Variants in DST observed in about 807,000 individuals in gnomAD.
The protein encoded by DST is bullous pemphigoid antigen.
In DST, 253 loss-of-function variants were observed where a neutral mutation model predicts 875.2. The observed-to-expected ratio is 0.29, with a 90% CI of 0.26 to 0.32. The LOEUF (loss-of-function observed/expected upper bound fraction) is 0.32, where lower values mean the gene tolerates loss of function less well. Ranked by LOEUF, DST falls within the 10% of genes least tolerant of loss-of-function variation. DST has a pLI of 1.00. For synonymous variants in DST, 3,124 were observed against 3,197.1 expected (o/e 0.98, Z 0.77); for missense variants, 8,287 against 9,111.6 (o/e 0.91, Z 3.68).
chr6:56,841,695 A>G (rs2099800220), intron 4 of DST, among the ~76,000 whole-genome samples: 1 of 152,240 alleles, frequency 6.6e-6, no homozygotes, highest in African/African-American at 2.4e-5. Flanking sequence ...CTGACTGTAT[A>G]GAGCACAGAT....
chr6:56,560,758 A>G (rs1263187489), intron 57 of DST, among the ~76,000 whole-genome samples: 2 of 152,182 alleles, frequency 1.3e-5, no homozygotes, highest in African/African-American at 4.8e-5. Context: ...TAAGAAAATC[A>G]GTCTTAATAA....
At chr6:56,907,916 C>T (rs934660660) in intron 2 of DST, among the ~76,000 whole-genome samples, 4 of 152,104 alleles carry the variant, frequency 2.6e-5, no homozygotes, top group Non-Finnish European at 5.9e-5. Context: ...CAAACTCCGT[C>T]TCCACCAGCC....
chr6:56,670,741 T>C lies in DST; in HGVS notation c.1114A>G (p.Thr372Ala). 6.2e-7 allele frequency: 1 copy of C among 1,610,812 alleles called. No individual in the cohort carries two copies. The highest frequency in any genetic ancestry group is 8.5e-7 in the Non-Finnish European group (1 of 1,178,198). The change falls in exon 10 of 104, where the codon ACG becomes GCG. Residue 372 changes from threonine (T) to alanine (A), a missense_variant. This residue lies in a region of DST where 1,160 missense variants were observed against 1,424.3 expected (regional missense o/e 0.81). Coordinates refer to ENST00000680361, the MANE Select transcript of DST (RefSeq NM_001374736.1). ...GCATAACCCTCTGTTGCCTGCTGCGTCCAGAGTAGCAATCTCTCTTTTGCA... is the reference window on the plus strand; with the variant it reads ...GCATAACCCTCTGTTGCCTGCTGCGCCCAGAGTAGCAATCTCTCTTTTGCA... ...MSAKERLLLW[T>A]QQATEGYAGI...
At chr6:56,612,142 G>A (rs1431036958) in intron 37 of DST, among the ~76,000 whole-genome samples, 1 of 152,218 alleles carries the variant, frequency 6.6e-6, no homozygotes, top group Non-Finnish European at 1.5e-5. Context: ...GGCCAAAGCA[G>A]GCAGATTGTT....
intron 80 of DST, 29 bp from the exon 81 acceptor site, chr6:56,498,082 G>C: frequency 6.3e-7 from 1 of 1,583,260 alleles, no homozygotes; most frequent in Non-Finnish European, 8.6e-7. Flanking sequence ...CACCATGTTT[G>C]CTAGTTTGTA....
Position 56,820,504 on chromosome 6 carries a change from TG to T in DST, c.625+30892del, listed in dbSNP as rs2099771860. Among the ~76,000 whole-genome samples, 9 of 152,350 alleles carry T rather than the reference TG, an allele frequency of 5.9e-5. No homozygotes were observed. The South Asian group carries it at 1.9e-3, about 32-fold the overall frequency. Reference sequence around the variant, plus strand: ...ATCACTTAACTAATTTCTTTACATTTGCTATTATCTTTACACGAGTTTGTTT... The same window carrying T: ...ATCACTTAACTAATTTCTTTACATTTCTATTATCTTTACACGAGTTTGTTT... On this transcript the variant is annotated intron_variant, in intron 4 of 103. Transcript: ENST00000680361.
Position 56,561,475 on chromosome 6 carries a change from T to G in DST, c.14143A>C (p.Lys4715Gln), listed in dbSNP as rs756052997. The change falls in exon 57 of 104, where the codon AAA becomes CAA. Residue 4715 changes from lysine (K) to glutamine (Q), a missense_variant. Coordinates refer to ENST00000680361, the MANE Select transcript of DST (RefSeq NM_001374736.1). ...YEDLGLLLKD[K>Q]IAELNTKLSK... Reference sequence around the variant, plus strand: ...AGTTTAGTGTTCAGTTCCGCTATTTTGTCCTTGAGTAAGAGGCCAAGATCT... The same window carrying G: ...AGTTTAGTGTTCAGTTCCGCTATTTGGTCCTTGAGTAAGAGGCCAAGATCT... 12 of 1,613,812 alleles carry G rather than the reference T, an allele frequency of 7.4e-6. No homozygotes were observed. Among genetic ancestry groups the G allele is most frequent in the Non-Finnish European group, 9.3e-6 (11 of 1,179,828 alleles).
intron 2 of DST, among the ~76,000 whole-genome samples, chr6:56,927,370 G>T (rs1005060212): frequency 6.6e-6 from 1 of 152,142 alleles, no homozygotes; most frequent in Non-Finnish European, 1.5e-5. Flanking sequence ...TTTTTCCAGA[G>T]ATTAGCAAAA....
intron 92 of DST, among the ~76,000 whole-genome samples, chr6:56,475,492 T>C (rs1421565264): frequency 1.3e-5 from 2 of 152,106 alleles, no homozygotes; most frequent in Non-Finnish European, 2.9e-5. Flanking sequence ...TATTTCTCTT[T>C]GTAAATGCAT....
intron 80 of DST, among the ~76,000 whole-genome samples, chr6:56,500,415 T>A (rs2096079897): frequency 6.6e-6 from 1 of 152,154 alleles, no homozygotes. Context: ...TTTGCATATA[T>A]CTCTTAAGAC....
intron 3 of DST, among the ~76,000 whole-genome samples, chr6:56,869,875 G>A (rs1488167058): frequency 3.3e-5 from 5 of 151,906 alleles, no homozygotes; most frequent in African/African-American, 9.7e-5. Flanking sequence ...TAGTAGAGAC[G>A]ATGTCTTGTT....
chr6:56,680,642 T>C (rs116021020), intron 9 of DST, among the ~76,000 whole-genome samples: 250 of 152,332 alleles, frequency 1.6e-3, no homozygotes, highest in African/African-American at 5.5e-3. Flanking sequence ...TCTCTAGCCA[T>C]TCCTTCTCAG....
chr6:56,805,202 G>A (rs770833288), intron 4 of DST, among the ~76,000 whole-genome samples: 4 of 152,052 alleles, frequency 2.6e-5, no homozygotes, highest in Non-Finnish European at 5.9e-5. Context: ...GGAAACAAAC[G>A]AGGCAGCCAA....
chr6:56,757,402 G>T (rs963261874), intron 4 of DST, among the ~76,000 whole-genome samples: 4 of 152,162 alleles, frequency 2.6e-5, no homozygotes, highest in African/African-American at 9.7e-5. Context: ...TGTTTATGGT[G>T]CAATATACAG....
chr6:56,940,249 T>C (rs982319073), intron 2 of DST, among the ~76,000 whole-genome samples: 6 of 149,942 alleles, frequency 4.0e-5, no homozygotes, highest in Middle Eastern at 3.2e-3. Context: ...TATACATATA[T>C]ACACACACAC....
intron 61 of DST, chr6:56,541,386 T>G (rs1229282386): frequency 6.6e-6 from 1 of 152,652 alleles, no homozygotes; most frequent in African/African-American, 2.4e-5. Flanking sequence ...GTTCGATCTG[T>G]AAAATGCCTG....
Position 56,601,492 on chromosome 6 carries a change from T to A in DST, c.11492A>T (p.Glu3831Val). Residue 3831 changes from glutamate to valine, a missense_variant, in exon 44 of 104, where the codon GAA (glutamate) becomes GTA (valine). Physicochemically the swap from Glu to Val is moderately radical, Grantham distance 121. This residue lies in a region of DST where 3,138 missense variants were observed against 3,116.6 expected (regional missense o/e 1.01). Transcript: ENST00000680361. ...DVQESVTTQV[E>V]RLETQLHLEQ... is the part of the protein sequence containing the mutation. ...TAGATGTAACTGAGTCTCTAAACGT[T>A]CCACCTGGGTAGTTACTGACTCCTG... 6.2e-7 allele frequency: 1 copy of A among 1,605,916 alleles called. No individual in the cohort carries two copies.
intron 10 of DST, among the ~76,000 whole-genome samples, chr6:56,668,303 C>G (rs528074713): frequency 6.6e-6 from 1 of 152,326 alleles, no homozygotes; most frequent in Admixed American, 6.5e-5. Context: ...AACCTTCACT[C>G]AAGAAGATCT....
At chr6:56,930,386 TAAAATGTTTTCTTGAAAAC>T (rs886075727) in intron 2 of DST, among the ~76,000 whole-genome samples, 31 of 152,354 alleles carry the variant, frequency 2.0e-4, no homozygotes, top group African/African-American at 7.0e-4. Flanking sequence ...GTCTTGTGTG[TAAAATGTTTTCTTGAAAAC>T]ACACAAAAAA....
Sources: allele counts gnomAD v4.1 joint callset (sites outside exome capture counted in the v4.1 genomes callset), GRCh38; gene constraint gnomAD v4.1.1; regional missense constraint gnomAD v4.1.1; transcripts MANE v1.5; gene names NCBI Gene and HGNC (gene_info 2026-07-23, HGNC 2026-07-21).